ME3: variants seen among roughly 807,000 people sequenced by gnomAD.
The protein encoded by ME3 is NADP-dependent malic enzyme, mitochondrial.
In ME3, 48 loss-of-function variants were observed where a neutral mutation model predicts 68.9. The ratio of observed to expected loss-of-function variants is 0.70; its 90% CI spans 0.55 to 0.89. The LOEUF (loss-of-function observed/expected upper bound fraction) is 0.89. Among genes scored for constraint, ME3 ranks in the 40% least tolerant of loss-of-function variants. The pLI is 0.00. For synonymous variants in ME3, 320 were observed against 318.8 expected, an observed-to-expected ratio of 1.00 and a Z score of -0.04; for missense variants, 675 against 797.4, an observed-to-expected ratio of 0.85 and a Z score of 1.85.
chr11:86,543,886 A>G (rs1239289694), intron 4 of ME3, among the ~76,000 whole-genome samples: 1 of 151,996 alleles, frequency 6.6e-6, no homozygotes, highest in Admixed American at 6.6e-5. Context: ...TTATTCTAAA[A>G]TCAACCACAT....
intron 8 of ME3, among the ~76,000 whole-genome samples, chr11:86,456,023 A>G (rs1384804675): frequency 6.6e-6 from 1 of 152,150 alleles, no homozygotes; most frequent in African/African-American, 2.4e-5. Flanking sequence ...GCCTCCCTCC[A>G]AGTAACTCCA....
intron 9 of ME3, 42 bp from the exon 10 acceptor site, chr11:86,450,044 C>G: frequency 6.9e-7 from 1 of 1,440,984 alleles, no homozygotes; most frequent in Non-Finnish European, 9.7e-7. Context: ...ACAGGGCAAA[C>G]AGCTGCTGAA....
In ME3 at chr11:86,451,512, G is replaced by A. The variant is rs145303294; in HGVS notation, c.920-1114C>T. Among the ~76,000 whole-genome samples, 44 of 152,276 alleles carry A rather than the reference G, an allele frequency of 2.9e-4. No homozygotes were observed. The East Asian group carries it at 6.7e-3, about 23-fold the overall frequency. On this transcript the variant is annotated intron_variant, in intron 8 of 14. Coordinates refer to ENST00000543262, the Ensembl canonical transcript of ME3. ...GTGGTAAGGATGGAGGCTATGCATG[G>A]GCTTCCTCTTACCAAGCTGGCCTGA...
At chr11:86,484,862 C>T (rs1951600241) in intron 7 of ME3, among the ~76,000 whole-genome samples, 2 of 152,164 alleles carry the variant, frequency 1.3e-5, no homozygotes, top group African/African-American at 4.8e-5. Context: ...GCTAACTTGG[C>T]CTCTCTGAGT....
rs147182741 is a variant in ME3 at position 86,594,592 on chromosome 11, G to A, written c.184-34769C>T. ...TGCTTATAGCCCAGCTACTTGGGAGGCTGAGATGGGAAGATCACTTGAGCC... is the reference window on the plus strand; with the variant it reads ...TGCTTATAGCCCAGCTACTTGGGAGACTGAGATGGGAAGATCACTTGAGCC... On this transcript the variant is annotated intron_variant, in intron 2 of 14. Coordinates refer to ENST00000543262, the Ensembl canonical transcript of ME3. 9.1e-3 allele frequency among the ~76,000 whole-genome samples: 1,332 copies of A among 146,020 alleles called. 125 individuals are homozygous for A. The highest frequency in any genetic ancestry group is 0.014 in the Middle Eastern group (4 of 282).
intron 2 of ME3, among the ~76,000 whole-genome samples, chr11:86,572,329 C>G (rs576757012): frequency 6.6e-6 from 1 of 151,716 alleles, no homozygotes; most frequent in Non-Finnish European, 1.5e-5. Context: ...AGGTTAGTTA[C>G]ATAGGTATAC....
At chr11:86,483,292 G>A (rs926969548) in intron 7 of ME3, among the ~76,000 whole-genome samples, 2 of 152,198 alleles carry the variant, frequency 1.3e-5, no homozygotes, top group East Asian at 3.8e-4. Flanking sequence ...GTGACACAGA[G>A]AATGAATGCT....
chr11:86,548,705 G>C (rs528397084), intron 4 of ME3, among the ~76,000 whole-genome samples: 4 of 152,270 alleles, frequency 2.6e-5, no homozygotes, highest in African/African-American at 9.6e-5. Context: ...AGACCGTGAG[G>C]GTTGGAAGGA....
chr11:86,503,972 A>G (rs939832564), intron 5 of ME3, among the ~76,000 whole-genome samples: 1 of 152,232 alleles, frequency 6.6e-6, no homozygotes, highest in Non-Finnish European at 1.5e-5. Context: ...TACGCTGGAC[A>G]GCTCAAGGCA....
intron 2 of ME3, among the ~76,000 whole-genome samples, chr11:86,653,825 T>C (rs11560984): frequency 0.2 from 30,556 of 151,808 alleles, 3,926 homozygotes; most frequent in East Asian, 0.56. Context: ...TTTGAAAAGA[T>C]CAACAAAATT....
chr11:86,457,826 C>T, intron 8 of ME3: 1 of 1,247,910 alleles, frequency 8.0e-7, no homozygotes, highest in Non-Finnish European at 1.0e-6. Flanking sequence ...ACATTTCCTG[C>T]AAACTGAGTA....
chr11:86,577,820 G>A (rs1372216650), intron 2 of ME3, among the ~76,000 whole-genome samples: 1 of 152,104 alleles, frequency 6.6e-6, no homozygotes, highest in East Asian at 1.9e-4. Context: ...TACGTCATTT[G>A]ATCCTAGACA....
chr11:86,535,228 C>G (rs973068266), intron 4 of ME3, among the ~76,000 whole-genome samples: 11 of 152,160 alleles, frequency 7.2e-5, no homozygotes, highest in African/African-American at 2.7e-4. Context: ...ACTCCCACCC[C>G]CTTACAATCC....
At chr11:86,603,247 T>G (rs899534410) in intron 2 of ME3, among the ~76,000 whole-genome samples, 5 of 150,112 alleles carry the variant, frequency 3.3e-5, no homozygotes, top group African/African-American at 9.8e-5. Context: ...CAAACAAATT[T>G]ACAAGAAAAA....
At chr11:86,531,381 A>G (rs1052015328) in intron 4 of ME3, among the ~76,000 whole-genome samples, 2 of 152,032 alleles carry the variant, frequency 1.3e-5, no homozygotes, top group Non-Finnish European at 2.9e-5. Context: ...AGAAATAGGA[A>G]CACTTTTACA....
At chr11:86,462,543 G>A (rs1281109110) in intron 8 of ME3, 3 of 1,225,162 alleles carry the variant, frequency 2.4e-6, no homozygotes, top group Non-Finnish European at 2.1e-6. Flanking sequence ...GCAGGGGCAG[G>A]TGTCCAGTGT....
intron 6 of ME3, among the ~76,000 whole-genome samples, chr11:86,488,593 G>A (rs763197213): frequency 2.0e-5 from 3 of 152,096 alleles, no homozygotes; most frequent in Non-Finnish European, 4.4e-5. Flanking sequence ...GCAGTCATAC[G>A]CTATTGGGTT....
intron 4 of ME3, among the ~76,000 whole-genome samples, chr11:86,529,834 A>G (rs1955066695): frequency 6.6e-6 from 1 of 152,226 alleles, no homozygotes; most frequent in Non-Finnish European, 1.5e-5. Flanking sequence ...TCAATAAATT[A>G]GGTATTGATG....
At chr11:86,504,320 G>A (rs1448942753) in intron 5 of ME3, among the ~76,000 whole-genome samples, 1 of 150,854 alleles carries the variant, frequency 6.6e-6, no homozygotes, top group African/African-American at 2.4e-5. Flanking sequence ...TTAATTGTGG[G>A]TAACCTCAGA....
Sources: allele counts gnomAD v4.1 joint callset (sites outside exome capture counted in the v4.1 genomes callset), GRCh38; gene constraint gnomAD v4.1.1; transcripts MANE v1.5; gene names NCBI Gene and HGNC (gene_info 2026-07-23, HGNC 2026-07-21).